KNL1: variants seen among roughly 807,000 people sequenced by gnomAD.
KNL1 encodes outer kinetochore KNL1 complex subunit KNL1.
In KNL1, 66 loss-of-function variants were observed where a neutral mutation model predicts 201.3. The observed-to-expected ratio is 0.33, with a 90% CI of 0.27 to 0.40. KNL1 has a LOEUF of 0.40. Ranked by LOEUF, KNL1 falls within the 10% of genes least tolerant of loss-of-function variation. KNL1 has a pLI of 1.00. For synonymous variants in KNL1, 895 were observed against 899.2 expected (o/e 1.00, Z 0.08); for missense variants, 2,815 against 2,690.5 (o/e 1.05, Z -1.02).
At position 40,659,224 on chromosome 15, in the gene KNL1, A is replaced by G. The variant is rs1054555684; in HGVS notation, c.6714-115A>G. 5.2e-6 allele frequency: 4 copies of G among 766,788 alleles called. No individual in the cohort carries two copies. The East Asian group carries it at 1.0e-4, about 20-fold the overall frequency. The allele number at this position is 766,788 out of a possible 1,614,324, so 47.5% of individuals were successfully genotyped here. On this transcript the variant is annotated intron_variant, in intron 24 of 25. Coordinates refer to ENST00000399668, the MANE Select transcript of KNL1 (RefSeq NM_144508.5). The stretch of plus-strand genomic sequence containing the variant: ...AGGTTGCAGTGAGCCGAAATTGTGC[A>G]CTGCACTCCAGCCTGGGCGATAGAG...
intron 1 of KNL1, 149 bp downstream of exon 1, chr15:40,594,541 G>A (rs1315767251): frequency 3.3e-5 from 5 of 152,334 alleles, no homozygotes; most frequent in Non-Finnish European, 7.3e-5. Flanking sequence ...CCCCTGCCCC[G>A]GGCCGGGCAC....
intron 14 of KNL1, among the ~76,000 whole-genome samples, chr15:40,643,607 T>C (rs1893297103): frequency 6.6e-6 from 1 of 152,202 alleles, no homozygotes; most frequent in Admixed American, 6.5e-5. Context: ...ATTGCGCCAC[T>C]GCACTCCAGC....
intron 21 of KNL1, among the ~76,000 whole-genome samples, chr15:40,653,058 T>A (rs1893618117): frequency 6.6e-6 from 1 of 152,220 alleles, no homozygotes; most frequent in African/African-American, 2.4e-5. Flanking sequence ...AAAGTTTCTT[T>A]TCTCAATGAA....
intron 3 of KNL1, 42 bp downstream of exon 3, chr15:40,605,191 T>G: frequency 8.9e-7 from 1 of 1,117,822 alleles, no homozygotes; most frequent in Non-Finnish European, 1.4e-6. Context: ...CAGCTTTTAT[T>G]TAATGATAAC....
chr15:40,606,549 A>G (rs1193200537), intron 4 of KNL1, 97 bp downstream of exon 4: 2 of 690,098 alleles, frequency 2.9e-6, no homozygotes, highest in African/African-American at 1.8e-5. Flanking sequence ...ATGTGTAAGC[A>G]TCCCATGAGT....
intron 24 of KNL1, among the ~76,000 whole-genome samples, chr15:40,658,545 A>AAG (rs1380696025): frequency 3.4e-5 from 2 of 59,122 alleles, no homozygotes; most frequent in Non-Finnish European, 7.5e-5. Context: ...AAAAAAAAAA[A>AAG]AGAGAGAATC....
rs762864730 is a variant in KNL1, at chr15:40,620,834, C to G, written c.570C>G (p.Thr190=). 2 of 1,601,580 alleles carry G rather than the reference C, an allele frequency of 1.2e-6. No individual in the cohort carries two copies. Among genetic ancestry groups the G allele is most frequent in the East Asian group, 4.5e-5 (2 of 44,764 alleles). ...TTCTAGCTAATTTAAAGCTTCACAC[C>G]GAGGACTCAAGAATGAAAAAAGAAG... ...TSFLANLKLH[T]EDSRMKKEVN... Residue 190 remains threonine, a synonymous_variant, in exon 10 of 26, where the codon ACC becomes ACG. Coordinates refer to ENST00000399668, the MANE Select transcript of KNL1 (RefSeq NM_144508.5).
intron 13 of KNL1, among the ~76,000 whole-genome samples, chr15:40,637,826 C>T (rs1270455905): frequency 2.0e-5 from 3 of 151,924 alleles, no homozygotes; most frequent in Non-Finnish European, 4.4e-5. Flanking sequence ...AAACAGGTTC[C>T]ATCCCCAAGA....
At chr15:40,639,737 A>G (rs1893165614) in intron 13 of KNL1, among the ~76,000 whole-genome samples, 1 of 151,964 alleles carries the variant, frequency 6.6e-6, no homozygotes, top group Admixed American at 6.6e-5. Flanking sequence ...TCACACCATT[A>G]CATTGCAGCC....
At chr15:40,625,806 T>G in intron 10 of KNL1, 166 bp downstream of exon 10, 1 of 569,474 alleles carries the variant, frequency 1.8e-6, no homozygotes, top group Non-Finnish European at 3.1e-6. Context: ...CTTCAGAAAT[T>G]AATTGACTAA....
chr15:40,606,596 T>C (rs1891982595), intron 4 of KNL1, 144 bp downstream of exon 4: 1 of 537,132 alleles, frequency 1.9e-6, no homozygotes, highest in African/African-American at 1.9e-5. Flanking sequence ...TCTTGATTTT[T>C]CATTTTTCTT....
At chr15:40,618,325 T>A (rs1033501402) in intron 8 of KNL1, among the ~76,000 whole-genome samples, 3 of 152,136 alleles carry the variant, frequency 2.0e-5, no homozygotes, top group Admixed American at 6.6e-5. Flanking sequence ...TACTTTTTAC[T>A]ATTTTTCTAA....
At position 40,622,569 on chromosome 15, in the gene KNL1, A is replaced by G. The variant is rs1892578139; in HGVS notation, c.2305A>G (p.Thr769Ala). 3 of 1,613,280 alleles carry G rather than the reference A, an allele frequency of 1.9e-6. 1 individual carries two copies. The highest frequency in any genetic ancestry group is 2.2e-5 in the South Asian group (2 of 90,958). Residue 769 changes from threonine to alanine, a missense_variant, in exon 10 of 26, where the codon ACT becomes GCT. Around this residue, in one of 3 missense-constraint regions of KNL1, gnomAD observed 2,464 missense variants for 2,291.7 expected, o/e 1.08. Coordinates refer to ENST00000399668, the MANE Select transcript of KNL1 (RefSeq NM_144508.5). ...AAATATGGATCTAACAAAGAGCCACACTGTCGTCATTGGATTTGGTCCTTC... is the reference window on the plus strand; with the variant it reads ...AAATATGGATCTAACAAAGAGCCACGCTGTCGTCATTGGATTTGGTCCTTC... Reference protein sequence around the residue: ...EQNMDLTKSHTVVIGFGPSEL... With the variant: ...EQNMDLTKSHAVVIGFGPSEL...
Position 40,625,630 on chromosome 15 carries a change from A to G in KNL1, c.5366A>G (p.Gln1789Arg), listed in dbSNP as rs762146385. 2 of 1,610,788 alleles carry G rather than the reference A, an allele frequency of 1.2e-6. No homozygotes were observed. The highest frequency in any genetic ancestry group is 1.7e-5 in the Admixed American group (1 of 59,346). The change falls in exon 10 of 26, where the codon CAA (glutamine) becomes CGA (arginine). Residue 1789 changes from glutamine (Q) to arginine (R), a missense_variant. Transcript: ENST00000399668. Reference protein sequence around the residue: ...KNEIKFSDTTQDREIFDHHTE... With the variant: ...KNEIKFSDTTRDREIFDHHTE... ...GAGATTAAGTTTAGTGATACGACAC[A>G]AGATCGGGAGGTGAGCTCTGTCTTG... is the stretch of plus-strand genomic sequence containing the variant.
chr15:40,646,939 A>G, intron 16 of KNL1, 48 bp from the exon 17 acceptor site: 1 of 795,694 alleles, frequency 1.3e-6, no homozygotes, highest in Non-Finnish European at 2.2e-6. Context: ...CATTTATAAT[A>G]TTTTCTTTAG....
Position 40,625,480 on chromosome 15 carries a change from T to C in KNL1, c.5216T>C (p.Ile1739Thr), listed in dbSNP as rs755969371. The C allele has an allele frequency of 4.3e-6, 7 of 1,613,850 alleles. No homozygotes were observed. The Admixed American group carries it at 1.0e-4, about 23-fold the overall frequency. The change falls in exon 10 of 26, where the codon ATT becomes ACT. Residue 1739 changes from isoleucine (I) to threonine (T), a missense_variant. Ile to Thr is a moderately conservative substitution (Grantham distance 89, BLOSUM62 -1). Around this residue, in one of 3 missense-constraint regions of KNL1, gnomAD observed 2,464 missense variants for 2,291.7 expected, o/e 1.08. Transcript: ENST00000399668. ...ATAGAAACTGAGGAAAAGGCCTTGA[T>C]TGAGACATACCAAAAAGAGATTTCA... ...INIETEEKAL[I>T]ETYQKEISPY...
intron 22 of KNL1, among the ~76,000 whole-genome samples, chr15:40,656,276 C>A (rs371878703): frequency 6.6e-6 from 1 of 151,792 alleles, no homozygotes; most frequent in East Asian, 1.9e-4. Context: ...ACTAAAAATA[C>A]GAAGAAATTA....
intron 21 of KNL1, 32 bp from the exon 22 acceptor site, chr15:40,654,877 T>A (rs752904018): frequency 1.8e-5 from 29 of 1,577,010 alleles, no homozygotes; most frequent in Non-Finnish European, 2.4e-5. Context: ...TCTAAAAAAA[T>A]TTTTAAAAAT....
rs1183123270 is a variant in KNL1 at position 40,624,310 on chromosome 15, A to G, written c.4046A>G (p.Tyr1349Cys). 2 of 1,614,054 alleles carry G rather than the reference A, an allele frequency of 1.2e-6. No individual in the cohort carries two copies. Among genetic ancestry groups the G allele is most frequent in the Admixed American group, 1.7e-5 (1 of 60,024 alleles). The change falls in exon 10 of 26, where the codon TAT becomes TGT. Residue 1349 changes from tyrosine (Y) to cysteine (C), a missense_variant. Tyr to Cys is a radical substitution (Grantham distance 194). Transcript: ENST00000399668. ...TATGCAAATGATTTTGCCAGTGAAT[A>G]TTACTTGGAATCTGAGGGACAGCCT... The part of the protein sequence containing the change: ...LAYANDFASE[Y>C]YLESEGQPLS...
Sources: allele counts gnomAD v4.1 joint callset (sites outside exome capture counted in the v4.1 genomes callset), GRCh38; gene constraint gnomAD v4.1.1; regional missense constraint gnomAD v4.1.1; transcripts MANE v1.5; gene names NCBI Gene and HGNC (gene_info 2026-07-23, HGNC 2026-07-21).